STIM1: variants seen among roughly 807,000 people sequenced by gnomAD.
STIM1 encodes stromal interaction molecule 1.
A neutral mutation model predicts 74.7 loss-of-function variants in STIM1; 25 were observed. The observed-to-expected ratio is 0.33, with a 90% CI of 0.24 to 0.47. The LOEUF (loss-of-function observed/expected upper bound fraction) is 0.47, where lower values mean the gene tolerates loss of function less well. Among genes scored for constraint, STIM1 ranks in the 20% least tolerant of loss-of-function variants. The pLI is 1.00. For missense variants in STIM1, 728 were observed against 920.8 expected, an observed-to-expected ratio of 0.79 and a Z score of 2.71; for synonymous variants, 328 against 348.8, an observed-to-expected ratio of 0.94 and a Z score of 0.66.
At chr11:3,878,057 G>A (rs988787244) in intron 1 of STIM1, among the ~76,000 whole-genome samples, 1 of 152,218 alleles carries the variant, frequency 6.6e-6, no homozygotes, top group Admixed American at 6.5e-5. Context: ...GCGTTGGTAA[G>A]TTAGACTTGG....
chr11:3,880,623 T>C (rs1253260242), intron 1 of STIM1, among the ~76,000 whole-genome samples: 1 of 152,166 alleles, frequency 6.6e-6, no homozygotes, highest in Admixed American at 6.6e-5. Flanking sequence ...CAAAGCTGTT[T>C]GTTAAATACT....
chr11:3,960,109 T>C (rs2093269384), intron 1 of STIM1, among the ~76,000 whole-genome samples: 1 of 152,256 alleles, frequency 6.6e-6, no homozygotes, highest in African/African-American at 2.4e-5. Flanking sequence ...GTTTGATGGT[T>C]ATCTCAAGGA....
At chr11:3,971,487 A>G (rs528267310) in intron 2 of STIM1, among the ~76,000 whole-genome samples, 6 of 152,242 alleles carry the variant, frequency 3.9e-5, no homozygotes, top group African/African-American at 1.4e-4. Context: ...CGAGATCGCA[A>G]CATTGCACTC....
At chr11:4,038,192 G>A (rs779872754) in intron 3 of STIM1, among the ~76,000 whole-genome samples, 1 of 151,754 alleles carries the variant, frequency 6.6e-6, no homozygotes, top group Admixed American at 6.6e-5. Flanking sequence ...ATGCCACTAC[G>A]CCCAGCTAAT....
At chr11:3,876,600 G>A (rs2091313925) in intron 1 of STIM1, among the ~76,000 whole-genome samples, 1 of 152,082 alleles carries the variant, frequency 6.6e-6, no homozygotes, top group Admixed American at 6.6e-5. Context: ...GTAGAGGCAG[G>A]GTTTCACTGT....
chr11:3,892,832 T>G, intron 1 of STIM1: 1 of 1,611,918 alleles, frequency 6.2e-7, no homozygotes, highest in Non-Finnish European at 8.5e-7. Flanking sequence ...GAAGGAGACA[T>G]GGCCCAAGGG....
chr11:4,045,001 A>C (rs761699173), intron 3 of STIM1, among the ~76,000 whole-genome samples: 22 of 152,274 alleles, frequency 1.4e-4, no homozygotes, highest in Admixed American at 5.9e-4. Context: ...CTAAAATGTC[A>C]TTGGGGCAGA....
intron 5 of STIM1, among the ~76,000 whole-genome samples, chr11:4,063,014 A>C (rs2094341657): frequency 6.6e-6 from 1 of 152,238 alleles, no homozygotes; most frequent in Non-Finnish European, 1.5e-5. Flanking sequence ...AACAGGCCAC[A>C]TATTATATAA....
chr11:3,930,306 T>C (rs2092843445), intron 1 of STIM1, among the ~76,000 whole-genome samples: 1 of 152,248 alleles, frequency 6.6e-6, no homozygotes, highest in South Asian at 2.1e-4. Flanking sequence ...AAGATTGACT[T>C]AGTAACCTAA....
At chr11:4,080,059 GAAAT>G (rs142489170) in intron 7 of STIM1, among the ~76,000 whole-genome samples, 7 of 151,398 alleles carry the variant, frequency 4.6e-5, no homozygotes, top group African/African-American at 9.7e-5. Context: ...TCTCTACCAA[GAAAT>G]AAATAAATAA....
intron 2 of STIM1, among the ~76,000 whole-genome samples, chr11:3,982,764 A>G (rs2093518752): frequency 6.6e-6 from 1 of 152,176 alleles, no homozygotes. Flanking sequence ...TTATACTACA[A>G]TTAGTATGTG....
intron 2 of STIM1, among the ~76,000 whole-genome samples, chr11:3,998,215 A>G (rs2923945): frequency 0.36 from 54,870 of 152,112 alleles, 12,036 homozygotes; most frequent in Non-Finnish European, 0.48. Flanking sequence ...TTGTGCTACT[A>G]TCTTCATTTT....
chr11:3,866,912 T>C (rs1404762244), intron 1 of STIM1, among the ~76,000 whole-genome samples: 1 of 152,224 alleles, frequency 6.6e-6, no homozygotes, highest in African/African-American at 2.4e-5. Context: ...AATATTTCCT[T>C]GTCTCTTAAG....
intron 1 of STIM1, among the ~76,000 whole-genome samples, chr11:3,957,796 C>T (rs1002872332): frequency 6.6e-6 from 1 of 152,036 alleles, no homozygotes; most frequent in Non-Finnish European, 1.5e-5. Context: ...GAACTCTTGG[C>T]CTCATGTGAT....
At chr11:3,989,565 C>G (rs1300983834) in intron 2 of STIM1, 11 of 526,390 alleles carry the variant, frequency 2.1e-5, no homozygotes, top group Non-Finnish European at 3.6e-5. Flanking sequence ...TCCCGCCGCC[C>G]GAGCTGCTGA....
At chr11:3,903,126 A>G (rs2092391690) in intron 1 of STIM1, among the ~76,000 whole-genome samples, 1 of 152,166 alleles carries the variant, frequency 6.6e-6, no homozygotes, top group Non-Finnish European at 1.5e-5. Context: ...GAAAGTAGGT[A>G]CTATTATTTT....
intron 2 of STIM1, among the ~76,000 whole-genome samples, chr11:3,995,905 C>G (rs1384948296): frequency 6.6e-6 from 1 of 151,348 alleles, no homozygotes; most frequent in African/African-American, 2.4e-5. Context: ...TGGGGTCTCC[C>G]TATGTTGCCC....
At chr11:3,963,070 G>A (rs759077397) in intron 1 of STIM1, among the ~76,000 whole-genome samples, 5 of 152,056 alleles carry the variant, frequency 3.3e-5, no homozygotes, top group Admixed American at 6.5e-5. Context: ...ATTCATTAAC[G>A]CAATGTAGGT....
chr11:3,955,225 T>G (rs932037064), intron 1 of STIM1, among the ~76,000 whole-genome samples: 1 of 152,094 alleles, frequency 6.6e-6, no homozygotes, highest in Non-Finnish European at 1.5e-5. Context: ...GGAGGGAGAA[T>G]GAGGGTTGGC....
Sources: allele counts gnomAD v4.1 joint callset (sites outside exome capture counted in the v4.1 genomes callset), GRCh38; gene constraint gnomAD v4.1.1; transcripts MANE v1.5; gene names NCBI Gene and HGNC (gene_info 2026-07-23, HGNC 2026-07-21).